Variants in SLC2A5 observed in about 807,000 individuals in gnomAD.
SLC2A5 encodes solute carrier family 2, facilitated glucose transporter member 5.
A neutral mutation model predicts 50.3 loss-of-function variants in SLC2A5; 56 were observed. The observed-to-expected ratio is 1.11, with a 90% confidence interval of 0.90 to 1.39. The LOEUF is 1.39. Among genes scored for constraint, SLC2A5 ranks in the 40% most tolerant of loss-of-function variants. SLC2A5 has a pLI of 0.00. For synonymous variants in SLC2A5, 269 were observed against 281.9 expected (o/e 0.95, Z 0.46); for missense variants, 566 against 650.1 (o/e 0.87, Z 1.41).
chr1:9,046,305 C>G (rs1054663245), intron 4 of SLC2A5, among the ~76,000 whole-genome samples: 1 of 152,140 alleles, frequency 6.6e-6, no homozygotes, highest in Non-Finnish European at 1.5e-5. Flanking sequence ...GCCACTGGCA[C>G]GGCTCTACCC....
intron 1 of SLC2A5, among the ~76,000 whole-genome samples, chr1:9,065,776 T>A (rs1199423720): frequency 6.6e-6 from 1 of 152,068 alleles, no homozygotes; most frequent in Non-Finnish European, 1.5e-5. Flanking sequence ...GGCAGGAGGA[T>A]GGCTTGAGCC....
intron 2 of SLC2A5, among the ~76,000 whole-genome samples, chr1:9,074,683 C>A (rs1642260930): frequency 6.6e-6 from 1 of 151,618 alleles, no homozygotes; most frequent in Admixed American, 6.6e-5. Context: ...CTTTACACAA[C>A]ATATGAAGAC....
chr1:9,077,920 G>A (rs1642311502), intron 2 of SLC2A5, among the ~76,000 whole-genome samples: 1 of 151,968 alleles, frequency 6.6e-6, no homozygotes, highest in Non-Finnish European at 1.5e-5. Context: ...AGAGTAAGGT[G>A]AAAGCAAGTT....
chr1:9,073,994 C>T (rs926800776), upstream of SLC2A5, among the ~76,000 whole-genome samples: 25 of 152,026 alleles, frequency 1.6e-4, no homozygotes, highest in Middle Eastern at 0.031. Context: ...GCGGGAGAAT[C>T]GCTTGAACCC....
Position 9,041,368 on chromosome 1 carries a change from T to A in SLC2A5, c.571+417A>T, listed in dbSNP as rs1034656918. On this transcript the variant is annotated intron_variant, in intron 5 of 11. Transcript: ENST00000377424. ...TCACTCCTGGTACTTCTCTTTCTGGTCTGCAAAATGGGATAATCACTGAGT... is the reference window on the plus strand; with the variant it reads ...TCACTCCTGGTACTTCTCTTTCTGGACTGCAAAATGGGATAATCACTGAGT... The A allele has an allele frequency of 7.3e-6, 6 of 827,202 alleles. No individual in the cohort carries two copies. The African/African-American group carries it at 1.1e-4, about 15-fold the overall frequency. 51.2% of individuals were successfully genotyped at this position (827,202 alleles called of 1,614,324 possible).
Position 9,040,411 on chromosome 1 carries a change from A to C in SLC2A5, c.572-222T>G. 1 of 564,920 alleles carries C rather than the reference A, an allele frequency of 1.8e-6. No homozygotes were observed. 35.0% of individuals were successfully genotyped at this position (564,920 alleles called of 1,614,324 possible). On this transcript the variant is annotated intron_variant, in intron 5 of 11. Transcript: ENST00000377424. This position sits in a 1 kb window ranked among gnomAD's most constrained non-coding sequence, Gnocchi z 4.3. ...CCCCTGCGCCCATCAGACAGACCACACCGACGAGGCCGGTAATACCATGTG... is the reference window on the plus strand; with the variant it reads ...CCCCTGCGCCCATCAGACAGACCACCCCGACGAGGCCGGTAATACCATGTG...
intron 2 of SLC2A5, among the ~76,000 whole-genome samples, chr1:9,077,123 G>C (rs531618332): frequency 4.0e-5 from 6 of 150,536 alleles, no homozygotes; most frequent in Non-Finnish European, 8.9e-5. Flanking sequence ...AGGAAGGCTG[G>C]ACATGGTGGC....
At chr1:9,056,067 C>T (rs927769591) in intron 3 of SLC2A5, among the ~76,000 whole-genome samples, 9 of 152,172 alleles carry the variant, frequency 5.9e-5, no homozygotes, top group African/African-American at 1.7e-4. Flanking sequence ...AAGAAGTGTC[C>T]GGCAGGTCTG....
At position 9,040,964 on chromosome 1, in the gene SLC2A5, T is replaced by G. The variant is rs904877571; in HGVS notation, c.572-775A>C. 6.4e-6 allele frequency: 1 copy of G among 156,732 alleles called. No homozygotes were observed. Among genetic ancestry groups the G allele is most frequent in the Non-Finnish European group, 1.4e-5 (1 of 71,314 alleles). The allele number at this position is 156,732 out of a possible 1,614,324, so 9.7% of individuals were successfully genotyped here. On this transcript the variant is annotated intron_variant, in intron 5 of 11. Coordinates refer to ENST00000377424, the MANE Select transcript of SLC2A5 (RefSeq NM_003039.3). The surrounding 1 kb of genome is among the most constrained non-coding windows in gnomAD (Gnocchi z 4.3). ...CCTTGGACCAGTCTTCCAATCTCTC[T>G]GTACCTGTGATGCACCTGCAAAATG...
At chr1:9,093,324 C>T (rs1158261467), upstream of SLC2A5, among the ~76,000 whole-genome samples, 24 of 152,174 alleles carry the variant, frequency 1.6e-4, no homozygotes, top group Non-Finnish European at 1.5e-5. Context: ...AGAAAACAGA[C>T]TTCCCTTCAC....
chr1:9,070,679 C>T (rs749645418), upstream of SLC2A5, among the ~76,000 whole-genome samples: 1 of 152,120 alleles, frequency 6.6e-6, no homozygotes, highest in African/African-American at 2.4e-5. Flanking sequence ...TTTGCTGTGG[C>T]GTAAATCCAG....
At chr1:9,052,500 A>G (rs1008235009) in intron 3 of SLC2A5, among the ~76,000 whole-genome samples, 6 of 152,174 alleles carry the variant, frequency 3.9e-5, no homozygotes, top group Non-Finnish European at 7.3e-5. Context: ...CGCATTTGTC[A>G]AAACCCATAG....
chr1:9,071,126 C>T (rs1490593801), upstream of SLC2A5, among the ~76,000 whole-genome samples: 1 of 151,886 alleles, frequency 6.6e-6, no homozygotes, highest in Non-Finnish European at 1.5e-5. Context: ...AAAGAAGAAT[C>T]CGGCCGGGCG....
chr1:9,092,035 C>A (rs904743193), upstream of SLC2A5, among the ~76,000 whole-genome samples: 1 of 152,130 alleles, frequency 6.6e-6, no homozygotes, highest in African/African-American at 2.4e-5. Context: ...TCAGGGAACC[C>A]CTATCATTAA....
intron 8 of SLC2A5, 69 bp from the exon 9 acceptor site, chr1:9,038,998 G>C: frequency 1.3e-6 from 2 of 1,558,376 alleles, no homozygotes; most frequent in Non-Finnish European, 1.7e-6. Context: ...CCTCCAATGG[G>C]GCAGCTGTGA....
chr1:9,038,065 G>T (rs1557660102), intron 10 of SLC2A5, 41 bp from the exon 11 acceptor site: 2 of 1,607,496 alleles, frequency 1.2e-6, no homozygotes, highest in South Asian at 2.2e-5. Flanking sequence ...GGCAGAGCGG[G>T]CCCGAGCATC....
chr1:9,091,805 G>A (rs1642464735), upstream of SLC2A5, among the ~76,000 whole-genome samples: 1 of 152,048 alleles, frequency 6.6e-6, no homozygotes, highest in Admixed American at 6.6e-5. Flanking sequence ...TCATTGGAGG[G>A]TATCATGATA....
rs370295956 is a variant in SLC2A5 at position 9,039,914 on chromosome 1, C to T, written c.771G>A (p.Glu257=). The T allele has an allele frequency of 1.9e-6, 3 of 1,612,902 alleles. No individual in the cohort carries two copies. The African/African-American group carries it at 4.0e-5, about 22-fold the overall frequency. The change falls in exon 7 of 12, where the codon GAG becomes GAA. Residue 257 remains glutamate (E), a synonymous_variant. Transcript: ENST00000377424. Reference sequence around the variant, plus strand: ...GCACGGAGATGAAGCCCGCGGCCTTCTCTGCCTCATCCTCCTGCCGGATCT... The same window carrying T: ...GCACGGAGATGAAGCCCGCGGCCTTTTCTGCCTCATCCTCCTGCCGGATCT... ...VAEIRQEDEA[E]KAAGFISVLK...
chr1:9,040,183 G>C lies in SLC2A5; in HGVS notation c.578C>G (p.Pro193Arg). ...GACCCCGGTCAGCCCCAGCAGGATC[G>C]GCCAGCCTGGGAGGAAGGCAGCGAG... ...RNLLANVDGWPILLGLTGVPA... is the reference protein window; with the variant it reads ...RNLLANVDGWRILLGLTGVPA... The change falls in exon 6 of 12, where the codon CCG (proline) becomes CGG (arginine). Residue 193 changes from proline to arginine, a missense_variant. Transcript: ENST00000377424. The surrounding 1 kb of genome is among the most constrained non-coding windows in gnomAD (Gnocchi z 4.3). 6.5e-7 allele frequency: 1 copy of C among 1,549,344 alleles called. No individual in the cohort carries two copies. The highest frequency in any genetic ancestry group is 8.7e-7 in the Non-Finnish European group (1 of 1,147,782).
Sources: allele counts gnomAD v4.1 joint callset (sites outside exome capture counted in the v4.1 genomes callset), GRCh38; gene constraint gnomAD v4.1.1; non-coding constraint Gnocchi (gnomAD v3.1); transcripts MANE v1.5; gene names NCBI Gene and HGNC (gene_info 2026-07-23, HGNC 2026-07-21).